Variants in SRGAP3 observed in about 807,000 individuals in gnomAD.
SRGAP3 encodes the protein SLIT-ROBO Rho GTPase activating protein 3, also known as SLIT-ROBO Rho GTPase-activating protein 3.
SRGAP3 carries 39 observed loss-of-function variants against 121.1 expected under a neutral mutation model. The ratio of observed to expected loss-of-function variants is 0.32; its 90% CI spans 0.25 to 0.42. The LOEUF is 0.42. Ranked by LOEUF, SRGAP3 falls within the 10% of genes least tolerant of loss-of-function variation. The pLI, the probability that SRGAP3 is intolerant of heterozygous loss-of-function variation, is 1.00. For synonymous variants in SRGAP3, 601 were observed against 570.0 expected (o/e 1.05, Z -0.77); for missense variants, 1,213 against 1,470.6 (o/e 0.82, Z 2.86).
chr3:9,329,071 G>A (rs182291190), intron 2 of SRGAP3, among the ~76,000 whole-genome samples: 3 of 152,240 alleles, frequency 2.0e-5, no homozygotes, highest in Admixed American at 6.5e-5. Context: ...TCCTGAGCAC[G>A]AGTTTATGGG....
Position 8,994,672 on chromosome 3 carries a change from G to T in SRGAP3, c.2228-149C>A, listed in dbSNP as rs933048729. 7.1e-6 allele frequency: 7 copies of T among 982,222 alleles called. No individual in the cohort carries two copies. In the African/African-American group the frequency reaches 9.6e-5, roughly 14 times the overall value. 60.8% of individuals were successfully genotyped at this position (982,222 alleles called of 1,614,324 possible). On this transcript the variant is annotated intron_variant, in intron 18 of 21. Coordinates refer to ENST00000383836, the MANE Select transcript of SRGAP3 (RefSeq NM_014850.4). ...AGAACGCCTGGTGGGCTGGGGCTCA[G>T]GACCCTGGGGTCCTAGCCTCAGATC...
chr3:9,063,124 CTTTTTTT>C (rs766958753), intron 5 of SRGAP3, among the ~76,000 whole-genome samples: 1 of 79,982 alleles, frequency 1.3e-5, no homozygotes, highest in Non-Finnish European at 2.4e-5. Context: ...TAGAGACAAT[CTTTTTTT>C]TTTTTTTTTT....
intron 1 of SRGAP3, among the ~76,000 whole-genome samples, chr3:9,344,109 C>T (rs1209240288): frequency 1.3e-5 from 2 of 152,110 alleles, no homozygotes; most frequent in Non-Finnish European, 2.9e-5. Context: ...CACCTGAGGT[C>T]AGGAGTTGGA....
At chr3:9,236,731 T>C (rs1455024407) in intron 1 of SRGAP3, among the ~76,000 whole-genome samples, 1 of 152,168 alleles carries the variant, frequency 6.6e-6, no homozygotes, top group African/African-American at 2.4e-5. Context: ...TGTGAGCCAA[T>C]TAAACCTCTT....
chr3:9,179,501 G>T (rs1040052178), intron 1 of SRGAP3, among the ~76,000 whole-genome samples: 1 of 152,198 alleles, frequency 6.6e-6, no homozygotes, highest in African/African-American at 2.4e-5. Context: ...TGCTGCTGAT[G>T]TTGAAAATGT....
chr3:9,020,478 T>C (rs1376312770), intron 14 of SRGAP3, among the ~76,000 whole-genome samples: 2 of 152,184 alleles, frequency 1.3e-5, no homozygotes. Context: ...TTAAGCTGTT[T>C]CCCTATTAGC....
intron 1 of SRGAP3, among the ~76,000 whole-genome samples, chr3:9,133,510 G>A (rs1949536562): frequency 6.6e-6 from 1 of 152,134 alleles, no homozygotes; most frequent in Admixed American, 6.5e-5. Context: ...ATACATCATG[G>A]AGATCAGTCC....
chr3:9,141,049 A>G (rs1182045430), intron 1 of SRGAP3, among the ~76,000 whole-genome samples: 1 of 152,200 alleles, frequency 6.6e-6, no homozygotes, highest in African/African-American at 2.4e-5. Flanking sequence ...TCATTTTTTC[A>G]TGTTAATACT....
intron 18 of SRGAP3, 137 bp downstream of exon 18, chr3:9,010,171 C>T (rs920827667): frequency 6.1e-5 from 64 of 1,048,138 alleles, no homozygotes; most frequent in South Asian, 1.4e-4. Flanking sequence ...TCGGGGTCTT[C>T]GTCTATTCTG....
At chr3:9,167,280 T>C (rs1253978441) in intron 1 of SRGAP3, among the ~76,000 whole-genome samples, 1 of 152,192 alleles carries the variant, frequency 6.6e-6, no homozygotes, top group Non-Finnish European at 1.5e-5. Context: ...AATTCCAATT[T>C]GGATCAAGAC....
chr3:9,028,452 T>C (rs1351331677), intron 12 of SRGAP3, among the ~76,000 whole-genome samples: 4 of 152,120 alleles, frequency 2.6e-5, no homozygotes, highest in African/African-American at 4.8e-5. Context: ...CTGGACCCAT[T>C]CCCATCCCTG....
chr3:9,129,010 A>G (rs1949342808), intron 1 of SRGAP3, among the ~76,000 whole-genome samples: 2 of 152,236 alleles, frequency 1.3e-5, no homozygotes, highest in Admixed American at 6.5e-5. Flanking sequence ...CTGCTCACTT[A>G]AGATCTGTGC....
At chr3:9,053,338 A>G (rs930734431) in intron 8 of SRGAP3, 114 bp from the exon 9 acceptor site, 4 of 1,066,920 alleles carry the variant, frequency 3.7e-6, no homozygotes, top group Non-Finnish European at 4.2e-6. Context: ...CCTAGGATAT[A>G]GGCAGAACAA....
intron 1 of SRGAP3, among the ~76,000 whole-genome samples, chr3:9,152,606 C>A (rs1221414130): frequency 6.6e-6 from 1 of 152,186 alleles, no homozygotes; most frequent in Non-Finnish European, 1.5e-5. Flanking sequence ...CCTGGCATAG[C>A]CCCTGAGAGA....
At chr3:8,994,157 G>T in intron 19 of SRGAP3, 186 bp downstream of exon 19, 1 of 777,594 alleles carries the variant, frequency 1.3e-6, no homozygotes, top group Non-Finnish European at 2.1e-6. Flanking sequence ...GGAGGAATTT[G>T]GATATCCGTT....
At chr3:9,130,684 C>T (rs1170350667) in intron 1 of SRGAP3, among the ~76,000 whole-genome samples, 4 of 152,182 alleles carry the variant, frequency 2.6e-5, no homozygotes, top group African/African-American at 9.6e-5. Context: ...CATATTAAAA[C>T]AAAACAAACA....
rs1034991564 is a variant in SRGAP3 at position 8,980,910 on chromosome 3, G to T, written c.*4609C>A. ...GCCAAACCATGTAAACAGTCACACT[G>T]CCGGGAACAAGGGCCTGGGCAGAAA... On this transcript the variant is annotated 3_prime_UTR_variant, in exon 22 of 22. Transcript: ENST00000383836. 8.6e-6 allele frequency: 2 copies of T among 233,348 alleles called. No homozygotes were observed. The highest frequency in any genetic ancestry group is 1.7e-5 in the Non-Finnish European group (2 of 117,908). The allele number at this position is 233,348 out of a possible 1,614,324, so 14.5% of individuals were successfully genotyped here.
intron 1 of SRGAP3, among the ~76,000 whole-genome samples, chr3:9,160,585 G>T (rs1440454146): frequency 1.3e-5 from 2 of 152,226 alleles, no homozygotes; most frequent in Non-Finnish European, 2.9e-5. Flanking sequence ...TAAGCTCATG[G>T]GAAACCCTGA....
At chr3:9,206,330 C>T (rs1055271201) in intron 1 of SRGAP3, among the ~76,000 whole-genome samples, 8 of 152,172 alleles carry the variant, frequency 5.3e-5, no homozygotes, top group South Asian at 2.1e-4. Context: ...ACACAGTAAG[C>T]GAATAATTCA....
Sources: allele counts gnomAD v4.1 joint callset (sites outside exome capture counted in the v4.1 genomes callset), GRCh38; gene constraint gnomAD v4.1.1; transcripts MANE v1.5; gene names NCBI Gene and HGNC (gene_info 2026-07-23, HGNC 2026-07-21).